Variants in NDEL1 observed in about 807,000 individuals in gnomAD.
NDEL1 encodes the protein nudE neurodevelopment protein 1 like 1.
Under a neutral mutation model 45.7 loss-of-function variants are expected in NDEL1, and 9 were observed. The observed-to-expected ratio is 0.20, with a 90% confidence interval of 0.12 to 0.34. NDEL1 has a LOEUF of 0.34. NDEL1 is among the 10% of genes least tolerant of loss of function. The pLI, the probability that NDEL1 is intolerant of heterozygous loss-of-function variation, is 1.00. For missense variants in NDEL1, 306 were observed against 406.2 expected, an observed-to-expected ratio of 0.75 and a Z score of 2.12; for synonymous variants, 133 against 158.6, an observed-to-expected ratio of 0.84 and a Z score of 1.21.
chr17:8,470,889 TC>T (rs1459925064), downstream of NDEL1, among the ~76,000 whole-genome samples: 9 of 152,318 alleles, frequency 5.9e-5, no homozygotes, highest in African/African-American at 2.2e-4. This position sits in a 1 kb window ranked among gnomAD's most constrained non-coding sequence, Gnocchi z 4.2. Flanking sequence ...ACTCCGCCTT[TC>T]TTGGCAGCTG....
At chr17:8,428,808 G>A in intron 1 of NDEL1, among the ~76,000 whole-genome samples, 1 of 151,962 alleles carries the variant, frequency 6.6e-6, no homozygotes, top group Non-Finnish European at 1.5e-5. Context: ...CGAGTAGCTG[G>A]GACTACGGGC....
intron 5 of NDEL1, 63 bp from the exon 6 acceptor site, chr17:8,450,717 C>G: frequency 7.0e-7 from 1 of 1,419,444 alleles, no homozygotes; most frequent in African/African-American, 1.5e-5. Context: ...TTAGATGTCA[C>G]TTTGCTTGAT....
upstream of NDEL1, among the ~76,000 whole-genome samples, chr17:8,434,913 T>C (rs1463956135): frequency 6.6e-6 from 1 of 151,910 alleles, no homozygotes; most frequent in Non-Finnish European, 1.5e-5. Context: ...CTACTAAAAA[T>C]ACAAAAATTA....
chr17:8,463,343 C>T (rs769618215), intron 8 of NDEL1: 48 of 1,612,924 alleles, frequency 3.0e-5, no homozygotes, highest in South Asian at 1.3e-4. Flanking sequence ...ATATTTCCCA[C>T]GTTGTTCATG....
At chr17:8,437,399 A>G (rs1909422785) in intron 1 of NDEL1, among the ~76,000 whole-genome samples, 1 of 152,210 alleles carries the variant, frequency 6.6e-6, no homozygotes, top group Non-Finnish European at 1.5e-5. Flanking sequence ...GCTTAAAATA[A>G]GTAGGAACCT....
intron 1 of NDEL1, among the ~76,000 whole-genome samples, chr17:8,425,004 A>C (rs981148857): frequency 2.0e-5 from 3 of 152,310 alleles, no homozygotes; most frequent in African/African-American, 7.2e-5. Context: ...ACAGGCTGCT[A>C]AACTGCTTAC....
chr17:8,416,551 G>A lies in NDEL1; in HGVS notation c.-13+3282G>A, dbSNP rs567137309. Among the ~76,000 whole-genome samples, 5 of 152,240 alleles carry A rather than the reference G, an allele frequency of 3.3e-5. No homozygotes were observed. The South Asian group carries it at 6.2e-4, about 19-fold the overall frequency. Reference sequence around the variant, plus strand: ...TGAAGTCTTCTGCTATTATGATTCAGGATCCTTTGTACTTGTCCTGGTTTT... The same window carrying A: ...TGAAGTCTTCTGCTATTATGATTCAAGATCCTTTGTACTTGTCCTGGTTTT... On this transcript the variant is annotated intron_variant, in intron 1 of 4. Coordinates refer to the NDEL1 transcript ENST00000582812.
intron 1 of NDEL1, chr17:8,436,420 GCCT>G (rs1909343295): frequency 6.5e-6 from 1 of 154,690 alleles, no homozygotes; most frequent in Admixed American, 6.5e-5. Flanking sequence ...CGCCCAGCCC[GCCT>G]CCTCCTACCC....
At chr17:8,448,424 C>G in intron 4 of NDEL1, 126 bp from the exon 5 acceptor site, 1 of 988,138 alleles carries the variant, frequency 1.0e-6, no homozygotes, top group Non-Finnish European at 1.5e-6. Flanking sequence ...GCAAGATCAT[C>G]TTCTTTGATT....
At chr17:8,415,176 TTCTC>T (rs1235640309) in intron 1 of NDEL1, among the ~76,000 whole-genome samples, 2 of 148,564 alleles carry the variant, frequency 1.3e-5, no homozygotes, top group African/African-American at 4.9e-5. Flanking sequence ...CCCTCTCTCT[TTCTC>T]TCTTTCTTTC....
chr17:8,464,624 TTC>T (rs1911455152), intron 8 of NDEL1: 2 of 152,354 alleles, frequency 1.3e-5, no homozygotes, highest in African/African-American at 4.8e-5. Context: ...AATTTACCGG[TTC>T]TCTCTTTATA....
intron 8 of NDEL1, chr17:8,464,623 G>T (rs1470841821): frequency 6.6e-6 from 1 of 152,116 alleles, no homozygotes; most frequent in African/African-American, 2.4e-5. Flanking sequence ...AAATTTACCG[G>T]TTCTCTCTTT....
chr17:8,440,460 A>G (rs1909656482), intron 1 of NDEL1, among the ~76,000 whole-genome samples: 1 of 151,808 alleles, frequency 6.6e-6, no homozygotes, highest in Admixed American at 6.6e-5. Context: ...GTTGCAGTGA[A>G]CTAGGATTGT....
At chr17:8,415,252 T>A (rs769533161) in intron 1 of NDEL1, among the ~76,000 whole-genome samples, 3 of 145,654 alleles carry the variant, frequency 2.1e-5, no homozygotes, top group African/African-American at 7.6e-5. Context: ...GATCACAGCT[T>A]ACTACAGTCT....
At chr17:8,453,033 C>T (rs1176657302) in intron 6 of NDEL1, among the ~76,000 whole-genome samples, 1 of 152,092 alleles carries the variant, frequency 6.6e-6, no homozygotes, top group Non-Finnish European at 1.5e-5. Context: ...GCCACCATGC[C>T]CAGCCTACAA....
intron 8 of NDEL1, chr17:8,466,699 C>G: frequency 1.8e-6 from 1 of 560,346 alleles, no homozygotes; most frequent in Non-Finnish European, 3.2e-6. Context: ...GGCCAGTGTG[C>G]GGCAGTTGCC....
intron 1 of NDEL1, among the ~76,000 whole-genome samples, chr17:8,422,103 C>T (rs1908720258): frequency 6.6e-6 from 1 of 152,136 alleles, no homozygotes; most frequent in Admixed American, 6.5e-5. Context: ...AAAGGTGGTG[C>T]CTGCAATGGC....
In NDEL1 at chr17:8,462,389, G is replaced by A. The variant is rs958906187; in HGVS notation, c.944+2229G>A. Reference sequence around the variant, plus strand: ...TCTTTCTAGTTGCTGTATTCCTGAGGATAACTCTTTTGTGGGTTTTGCTGT... The same window carrying A: ...TCTTTCTAGTTGCTGTATTCCTGAGAATAACTCTTTTGTGGGTTTTGCTGT... On this transcript the variant is annotated intron_variant, in intron 8 of 8. Transcript: ENST00000334527. Among the ~76,000 whole-genome samples the A allele has an allele frequency of 2.6e-5, 4 of 152,106 alleles. No homozygotes were observed. In the East Asian group the frequency reaches 5.8e-4, roughly 22 times the overall value.
chr17:8,464,198 C>T (rs1249897721), intron 8 of NDEL1: 2 of 152,214 alleles, frequency 1.3e-5, no homozygotes, highest in Admixed American at 6.5e-5. Context: ...ATATTTCAGC[C>T]TCCTTAACTA....
Sources: allele counts gnomAD v4.1 joint callset (sites outside exome capture counted in the v4.1 genomes callset), GRCh38; gene constraint gnomAD v4.1.1; non-coding constraint Gnocchi (gnomAD v3.1); transcripts MANE v1.5; gene names NCBI Gene and HGNC (gene_info 2026-07-23, HGNC 2026-07-21).